Variants in LAMP3 observed in about 807,000 individuals in gnomAD.
The protein encoded by LAMP3 is lysosome-associated membrane glycoprotein 3.
LAMP3 carries 26 observed loss-of-function variants against 34.8 expected under a neutral mutation model. The ratio of observed to expected loss-of-function variants is 0.75; its 90% CI spans 0.55 to 1.04. The LOEUF is 1.04. Ranked by LOEUF, LAMP3 falls within the 50% of genes least tolerant of loss-of-function variation. The pLI is 0.00. For synonymous variants in LAMP3, 180 were observed against 201.9 expected, an observed-to-expected ratio of 0.89 and a Z score of 0.92; for missense variants, 495 against 524.0, an observed-to-expected ratio of 0.94 and a Z score of 0.54.
chr3:183,135,819 A>T lies in LAMP3; in HGVS notation c.1015T>A (p.Cys339Ser), dbSNP rs1490440739. ...FQTAVGHSFK[C>S]VSEQSLQLSA... The stretch of plus-strand genomic sequence containing the variant: ...AACTGGAGGCTCTGTTCACTCACGC[A>T]CTTGAAGGAATGCCCGACTGCTGTC... Residue 339 changes from cysteine to serine, a missense_variant, in exon 5 of 6, where the codon TGC becomes AGC. By Grantham distance (112) the Cys-to-Ser change is moderately radical (BLOSUM62 -1). Coordinates refer to ENST00000265598, the MANE Select transcript of LAMP3 (RefSeq NM_014398.4). 1 of 1,613,902 alleles carries T rather than the reference A, an allele frequency of 6.2e-7. No homozygotes were observed. The highest frequency in any genetic ancestry group is 1.7e-5 in the Admixed American group (1 of 59,998).
chr3:183,131,743 G>A (rs1408015144), intron 5 of LAMP3, among the ~76,000 whole-genome samples: 1 of 152,046 alleles, frequency 6.6e-6, no homozygotes, highest in Admixed American at 6.6e-5. Flanking sequence ...AATAATGAAT[G>A]GCACCTCTGG....
At chr3:183,140,642 G>T in intron 3 of LAMP3, 47 bp from the exon 4 acceptor site, 2 of 1,189,472 alleles carry the variant, frequency 1.7e-6, no homozygotes, top group Non-Finnish European at 2.5e-6. Context: ...CTACTCATAT[G>T]TTTACAATCT....
intron 5 of LAMP3, among the ~76,000 whole-genome samples, chr3:183,125,053 T>A (rs1163752327): frequency 6.6e-6 from 1 of 152,242 alleles, no homozygotes; most frequent in African/African-American, 2.4e-5. Context: ...TTTTTCTTTA[T>A]ACCATTAGAA....
intron 4 of LAMP3, among the ~76,000 whole-genome samples, chr3:183,136,250 T>A (rs1361931556): frequency 1.3e-5 from 2 of 152,146 alleles, no homozygotes; most frequent in Non-Finnish European, 2.9e-5. Flanking sequence ...AAAAGAAGAT[T>A]GCTTTCTGAG....
chr3:183,144,553 T>C (rs1161610091), intron 3 of LAMP3, among the ~76,000 whole-genome samples: 1 of 152,052 alleles, frequency 6.6e-6, no homozygotes, highest in East Asian at 1.9e-4. Context: ...GAGGGAAAAG[T>C]ACCAGGGGAA....
intron 5 of LAMP3, among the ~76,000 whole-genome samples, chr3:183,127,306 A>G (rs1332567999): frequency 6.6e-6 from 1 of 152,014 alleles, no homozygotes; most frequent in African/African-American, 2.4e-5. Flanking sequence ...GCTACTTTTT[A>G]ACTTTTTTGA....
In LAMP3 at chr3:183,162,706, C is replaced by G. The variant is rs1374534281; in HGVS notation, c.-51G>C. ...GCGTGCGGCGAAGTCCGGGCAGGCC[C>G]CGAATCGGTGCCAGAGAAACCTACC... On this transcript the variant is annotated 5_prime_UTR_variant, in exon 1 of 6. Coordinates refer to ENST00000265598, the MANE Select transcript of LAMP3 (RefSeq NM_014398.4). 1.4e-6 allele frequency: 2 copies of G among 1,472,044 alleles called. No homozygotes were observed. The highest frequency in any genetic ancestry group is 1.8e-6 in the Non-Finnish European group (2 of 1,116,450). 91.2% of individuals were successfully genotyped at this position (1,472,044 alleles called of 1,614,324 possible).
intron 1 of LAMP3, among the ~76,000 whole-genome samples, chr3:183,157,202 A>G (rs1359257385): frequency 6.6e-6 from 1 of 152,206 alleles, no homozygotes; most frequent in Non-Finnish European, 1.5e-5. Flanking sequence ...TATTAATGAC[A>G]TTAAGTTATT....
At chr3:183,149,355 C>T (rs1427654914) in intron 3 of LAMP3, among the ~76,000 whole-genome samples, 5 of 151,508 alleles carry the variant, frequency 3.3e-5, no homozygotes, top group African/African-American at 4.9e-5. Context: ...TCCTGGCCAA[C>T]GTGGTGAGAC....
chr3:183,145,711 G>T (rs1316722555), intron 3 of LAMP3, among the ~76,000 whole-genome samples: 1 of 152,126 alleles, frequency 6.6e-6, no homozygotes, highest in Non-Finnish European at 1.5e-5. Flanking sequence ...ACAAAAATGA[G>T]CAGGGTGTGG....
In LAMP3 at chr3:183,162,663, G is replaced by T. The variant is rs1721014162; in HGVS notation, c.-8C>A. On this transcript the variant is annotated 5_prime_UTR_variant, in exon 1 of 6. Transcript: ENST00000265598. ...GCTGAGCTGCCGGGGCATGGTGGGC[G>T]CTGGGCGAGGTTCTGCAGCGTGCGG... 1.3e-6 allele frequency: 2 copies of T among 1,535,750 alleles called. No homozygotes were observed.
chr3:183,140,696 T>A, intron 3 of LAMP3, 101 bp from the exon 4 acceptor site: 1 of 791,668 alleles, frequency 1.3e-6, no homozygotes, highest in Non-Finnish European at 2.2e-6. Context: ...TAAATCTGGA[T>A]ATAAGGGCTG....
At chr3:183,162,816 C>G (rs1012604834), upstream of LAMP3, 1 of 643,136 alleles carries the variant, frequency 1.6e-6, no homozygotes, top group Non-Finnish European at 2.5e-6. Context: ...GAAACTCCGC[C>G]GGCCCCCTCC....
At position 183,124,175 on chromosome 3, in the gene LAMP3, A is replaced by G; in HGVS notation, c.1157T>C (p.Val386Ala). The G allele has an allele frequency of 6.2e-7, 1 of 1,608,168 alleles. No individual in the cohort carries two copies. Among genetic ancestry groups the G allele is most frequent in the Non-Finnish European group, 8.5e-7 (1 of 1,178,138 alleles). ...GAGACCAACCACGATGGCCCCAATC[A>G]CAGGAAGCACAATTGTGTAGTCAGA... is the stretch of plus-strand genomic sequence containing the variant. ...CSSDYTIVLP[V>A]IGAIVVGLCL... Residue 386 changes from valine (V) to alanine (A), a missense_variant, in exon 6 of 6, where the codon GTG becomes GCG. By Grantham distance (64) the Val-to-Ala change is moderately conservative (BLOSUM62 0). Transcript: ENST00000265598.
In LAMP3 at chr3:183,123,289, T is replaced by C. The variant is rs1417376275; in HGVS notation, c.*792A>G. ...AAAAAACATTTAAGGCCGGGCGCAA[T>C]GGCTCATGCCTGTAATCCCAGCACT... On this transcript the variant is annotated 3_prime_UTR_variant, in exon 6 of 6. Coordinates refer to ENST00000265598, the MANE Select transcript of LAMP3 (RefSeq NM_014398.4). 6.6e-6 allele frequency: 1 copy of C among 152,220 alleles called. No individual in the cohort carries two copies. Among genetic ancestry groups the C allele is most frequent in the Admixed American group, 6.5e-5 (1 of 15,284 alleles). The allele number at this position is 152,220 out of a possible 1,614,324, so 9.4% of individuals were successfully genotyped here.
rs1460081117 is a variant in LAMP3 at position 183,144,911 on chromosome 3, C to CA, written c.889-4317dup. Among the ~76,000 whole-genome samples the CA allele has an allele frequency of 2.6e-5, 4 of 151,848 alleles. No homozygotes were observed. The South Asian group carries it at 6.2e-4, about 24-fold the overall frequency. On this transcript the variant is annotated intron_variant, in intron 3 of 5. Coordinates refer to ENST00000265598, the MANE Select transcript of LAMP3 (RefSeq NM_014398.4). ...CAGAGGGAGGCCCTTTCTCAAAAAA[C>CA]AAAAAAAGCTCTGGGGAAACAACAG... is the stretch of plus-strand genomic sequence containing the variant.
intron 3 of LAMP3, among the ~76,000 whole-genome samples, chr3:183,148,282 C>T (rs1265905187): frequency 6.6e-6 from 1 of 152,142 alleles, no homozygotes; most frequent in Non-Finnish European, 1.5e-5. Flanking sequence ...GAGTAATACG[C>T]CAAACCACAG....
At chr3:183,132,475 T>A in intron 5 of LAMP3, 1 of 983,968 alleles carries the variant, frequency 1.0e-6, no homozygotes, top group Non-Finnish European at 1.2e-6. Context: ...GTAAACGTCT[T>A]CCCCACAATT....
chr3:183,130,118 C>T (rs1049624816), intron 5 of LAMP3, among the ~76,000 whole-genome samples: 1 of 149,294 alleles, frequency 6.7e-6, no homozygotes, highest in East Asian at 2.0e-4. Context: ...TGGTATGTTA[C>T]TAAGACAGTC....
Sources: allele counts gnomAD v4.1 joint callset (sites outside exome capture counted in the v4.1 genomes callset), GRCh38; gene constraint gnomAD v4.1.1; transcripts MANE v1.5; gene names NCBI Gene and HGNC (gene_info 2026-07-23, HGNC 2026-07-21).